Variants in PSD3 observed in about 807,000 individuals in gnomAD.
The protein encoded by PSD3 is pleckstrin and Sec7 domain containing 3.
In PSD3, 49 loss-of-function variants were observed where a neutral mutation model predicts 105.5. The ratio of observed to expected loss-of-function variants is 0.46; its 90% CI spans 0.37 to 0.59. The LOEUF is 0.59. PSD3 is among the 20% of genes least tolerant of loss of function. The pLI is 0.00. For synonymous variants in PSD3, 557 were observed against 457.8 expected (o/e 1.22, Z -2.77); for missense variants, 1,561 against 1,263.8 (o/e 1.24, Z -3.57).
chr8:18,929,633 C>T (rs73666757), intron 2 of PSD3, among the ~76,000 whole-genome samples: 1 of 152,116 alleles, frequency 6.6e-6, no homozygotes, highest in Admixed American at 6.6e-5. Flanking sequence ...ACACTCCACA[C>T]AGCCAGAGCA....
chr8:18,617,552 CTT>C (rs1349103559), intron 11 of PSD3, among the ~76,000 whole-genome samples: 1 of 152,030 alleles, frequency 6.6e-6, no homozygotes, highest in Non-Finnish European at 1.5e-5. Context: ...AAACAAAACT[CTT>C]ATATTTATAT....
intron 9 of PSD3, among the ~76,000 whole-genome samples, chr8:18,674,077 T>C (rs1799940545): frequency 6.6e-6 from 1 of 151,752 alleles, no homozygotes; most frequent in African/African-American, 2.4e-5. Context: ...GCCCAGGAAG[T>C]GGAGGGTGCA....
At chr8:18,880,161 C>T (rs1818018011) in intron 2 of PSD3, among the ~76,000 whole-genome samples, 1 of 152,176 alleles carries the variant, frequency 6.6e-6, no homozygotes, top group African/African-American at 2.4e-5. Flanking sequence ...TTTATTCCTT[C>T]TGTTTAAAAA....
chr8:18,734,087 T>A (rs1368451623), intron 9 of PSD3: 3 of 152,246 alleles, frequency 2.0e-5, no homozygotes, highest in Non-Finnish European at 4.4e-5. Context: ...CAGTGATTGT[T>A]ACTTATGGGT....
chr8:18,602,356 T>A (rs1488038232), intron 11 of PSD3, among the ~76,000 whole-genome samples: 1 of 152,142 alleles, frequency 6.6e-6, no homozygotes, highest in Admixed American at 6.5e-5. Flanking sequence ...AAGTCACCCA[T>A]GAGTGACTAA....
At chr8:18,803,345 A>C (rs1810892990) in intron 6 of PSD3, 1 of 153,546 alleles carries the variant, frequency 6.5e-6, no homozygotes, top group East Asian at 1.9e-4. Context: ...ATAATAAGCA[A>C]ATACTTAGGA....
chr8:18,646,751 G>A (rs904022213), intron 10 of PSD3, among the ~76,000 whole-genome samples: 1 of 152,042 alleles, frequency 6.6e-6, no homozygotes, highest in African/African-American at 2.4e-5. Flanking sequence ...AAACAACTGA[G>A]ATTACATTTT....
intron 1 of PSD3, among the ~76,000 whole-genome samples, chr8:19,024,942 T>C (rs1827491052): frequency 6.6e-6 from 1 of 152,166 alleles, no homozygotes; most frequent in African/African-American, 2.4e-5. Flanking sequence ...GCCTCAGTTC[T>C]GTGAGCTATT....
chr8:18,659,868 G>A (rs1809208343), intron 9 of PSD3, among the ~76,000 whole-genome samples: 2 of 152,196 alleles, frequency 1.3e-5, no homozygotes, highest in Non-Finnish European at 2.9e-5. Context: ...CCAGCTATGT[G>A]AGGGGTTATC....
Position 18,812,730 on chromosome 8 carries a change from T to A in PSD3, c.1635-7832A>T, listed in dbSNP as rs150980277. 4.1e-3 allele frequency among the ~76,000 whole-genome samples: 621 copies of A among 152,282 alleles called. 1 individual carries two copies. The highest frequency in any genetic ancestry group is 7.1e-3 in the Non-Finnish European group (485 of 68,026). On this transcript the variant is annotated intron_variant, in intron 4 of 15. Coordinates refer to ENST00000327040, the MANE Select transcript of PSD3 (RefSeq NM_015310.4). ...TTCACCTTGAGATGTCCATTGGCTATCCAAGTAGGATGTGAGGACACGTGG... is the reference window on the plus strand; with the variant it reads ...TTCACCTTGAGATGTCCATTGGCTAACCAAGTAGGATGTGAGGACACGTGG...
rs187585151 is a variant in PSD3, at chr8:18,610,677, C to A, written c.2411-10243G>T. On this transcript the variant is annotated intron_variant, in intron 11 of 15. Transcript: ENST00000327040. ...TTTTCTTATATAATAGCAACCAATG[C>A]ATATTTTGATAGAGAATAAGAAATG... Among the ~76,000 whole-genome samples the A allele has an allele frequency of 6.6e-4, 101 of 152,188 alleles. 2 individuals carry two copies. Among genetic ancestry groups the A allele is most frequent in the Admixed American group, 6.5e-3 (99 of 15,276 alleles).
chr8:18,958,535 A>G (rs764916281), intron 1 of PSD3, among the ~76,000 whole-genome samples: 7 of 152,222 alleles, frequency 4.6e-5, no homozygotes, highest in Non-Finnish European at 1.0e-4. Flanking sequence ...AGGTCAAGCT[A>G]GCAAGATTAA....
rs768154468 is a variant in PSD3, at chr8:18,530,327, G to A, written c.*5416C>T. 3.9e-5 allele frequency: 6 copies of A among 152,424 alleles called. No homozygotes were observed. The highest frequency in any genetic ancestry group is 5.9e-5 in the Non-Finnish European group (4 of 68,024). 9.4% of individuals were successfully genotyped at this position (152,424 alleles called of 1,614,324 possible). ...AATATTTAAAATAAAGTTTAAACCTGGTCCTGAAATTCTTTTACCTGTGAC... is the reference window on the plus strand; with the variant it reads ...AATATTTAAAATAAAGTTTAAACCTAGTCCTGAAATTCTTTTACCTGTGAC... On this transcript the variant is annotated 3_prime_UTR_variant, in exon 16 of 16. Coordinates refer to ENST00000327040, the MANE Select transcript of PSD3 (RefSeq NM_015310.4).
chr8:18,576,891 T>A (rs1016327707), intron 12 of PSD3, among the ~76,000 whole-genome samples: 1 of 89,108 alleles, frequency 1.1e-5, no homozygotes, highest in African/African-American at 2.9e-5. Context: ...TGTGTGTACT[T>A]TTTTTTTTTT....
chr8:18,538,645 T>G (rs1799967903), intron 15 of PSD3, among the ~76,000 whole-genome samples: 1 of 152,052 alleles, frequency 6.6e-6, no homozygotes, highest in Non-Finnish European at 1.5e-5. Context: ...TGAAGAAAAA[T>G]TGTTTAGATC....
intron 9 of PSD3, among the ~76,000 whole-genome samples, chr8:18,697,240 C>A (rs889931460): frequency 6.6e-6 from 1 of 152,122 alleles, no homozygotes; most frequent in Non-Finnish European, 1.5e-5. Flanking sequence ...TCGACAGCGA[C>A]ATGGGGTGAG....
At chr8:18,573,754 C>T (rs1393922487) in intron 13 of PSD3, among the ~76,000 whole-genome samples, 1 of 152,098 alleles carries the variant, frequency 6.6e-6, no homozygotes, top group East Asian at 1.9e-4. Context: ...ACTGCAGAGG[C>T]AGAAAGTAGA....
intron 1 of PSD3, among the ~76,000 whole-genome samples, chr8:18,979,317 C>A (rs1825130649): frequency 6.6e-6 from 1 of 152,170 alleles, no homozygotes; most frequent in African/African-American, 2.4e-5. Flanking sequence ...GACTTGCTTT[C>A]ACTTTGGATT....
At chr8:18,797,263 C>G (rs549968291) in intron 8 of PSD3, among the ~76,000 whole-genome samples, 80 of 152,124 alleles carry the variant, frequency 5.3e-4, no homozygotes, top group Non-Finnish European at 7.5e-4. Context: ...CTACTTATCA[C>G]CAAACACATG....
Sources: allele counts gnomAD v4.1 joint callset (sites outside exome capture counted in the v4.1 genomes callset), GRCh38; gene constraint gnomAD v4.1.1; transcripts MANE v1.5; gene names NCBI Gene and HGNC (gene_info 2026-07-23, HGNC 2026-07-21).